The following NLRP14 variants were observed in gnomAD, a reference collection of about 807,000 sequenced individuals.
NLRP14 encodes NACHT, LRR and PYD domains-containing protein 14.
Under a neutral mutation model 94.7 loss-of-function variants are expected in NLRP14, and 105 were observed. That is an observed-to-expected ratio of 1.11 (90% CI 0.95 to 1.30). The LOEUF is 1.30. Among genes scored for constraint, NLRP14 ranks in the 50% most tolerant of loss-of-function variants. The pLI is 0.00. For synonymous variants in NLRP14, 508 were observed against 459.9 expected, an observed-to-expected ratio of 1.10 and a Z score of -1.34; for missense variants, 1,362 against 1,254.1, an observed-to-expected ratio of 1.09 and a Z score of -1.30.
the NLRP14 span, among the ~76,000 whole-genome samples, chr11:7,077,171 C>A: frequency 6.6e-6 from 1 of 152,232 alleles, no homozygotes; most frequent in Non-Finnish European, 1.5e-5. Flanking sequence ...CAGGCCCTGA[C>A]CTTCCGCTCC....
chr11:7,043,315 T>C lies in NLRP14; in HGVS notation c.1289T>C (p.Val430Ala). ...GCCCAGCTGAGAAGACTGTGCCAAG[T>C]CGCTGCCAAAGGAATATGGACTATG... ...NQAQLRRLCQ[V>A]AAKGIWTMTY... is the part of the protein sequence containing the mutation. Residue 430 changes from valine (V) to alanine (A), a missense_variant, in exon 4 of 12, where the codon GTC becomes GCC. Val to Ala is a moderately conservative substitution (Grantham distance 64, BLOSUM62 0). Transcript: ENST00000299481. The C allele has an allele frequency of 6.2e-7, 1 of 1,614,208 alleles. No individual in the cohort carries two copies. Among genetic ancestry groups the C allele is most frequent in the Non-Finnish European group, 8.5e-7 (1 of 1,180,034 alleles).
chr11:7,037,389 A>G (rs1382552288), intron 1 of NLRP14, among the ~76,000 whole-genome samples: 2 of 152,090 alleles, frequency 1.3e-5, no homozygotes, highest in African/African-American at 4.8e-5. Context: ...CCTTCTATAT[A>G]CTTTTATTTC....
At chr11:7,059,747 T>G in intron 8 of NLRP14, 147 bp from the exon 9 acceptor site, 2 of 721,718 alleles carry the variant, frequency 2.8e-6, no homozygotes, top group Non-Finnish European at 5.0e-6. Context: ...GTTTCCCAAG[T>G]GAGACAGGCT....
chr11:7,089,774 C>G, the NLRP14 span: 1 of 1,585,698 alleles, frequency 6.3e-7, no homozygotes, highest in South Asian at 1.1e-5. Context: ...CGTCCAGAGA[C>G]GGCTACTCGA....
chr11:7,083,279 G>A, the NLRP14 span, among the ~76,000 whole-genome samples: 147,569 of 152,322 alleles, frequency 0.97, 71,645 homozygotes, highest in Middle Eastern at 1. Context: ...TAGGCAACCA[G>A]TGTTTCAAAT....
At chr11:7,037,870 G>A (rs923648209) in intron 1 of NLRP14, among the ~76,000 whole-genome samples, 1 of 152,326 alleles carries the variant, frequency 6.6e-6, no homozygotes, top group Non-Finnish European at 1.5e-5. Context: ...TGATGTCAAA[G>A]ACGTGAGATG....
chr11:7,059,807 G>T, intron 8 of NLRP14, 87 bp from the exon 9 acceptor site: 2 of 1,159,222 alleles, frequency 1.7e-6, no homozygotes. Flanking sequence ...ATAGATAAGG[G>T]ATCAAATCAT....
intron 5 of NLRP14, among the ~76,000 whole-genome samples, chr11:7,049,445 C>A (rs569275032): frequency 5.0e-4 from 76 of 152,204 alleles, no homozygotes; most frequent in Non-Finnish European, 9.9e-4. Context: ...TCCTCTTCTG[C>A]TTTTCATGAT....
the NLRP14 span, among the ~76,000 whole-genome samples, chr11:7,077,954 G>A: frequency 2.6e-5 from 4 of 152,052 alleles, no homozygotes; most frequent in Non-Finnish European, 4.4e-5. Flanking sequence ...GAGGTGGGGT[G>A]GGGGGGACCC....
intron 4 of NLRP14, among the ~76,000 whole-genome samples, chr11:7,044,405 T>C (rs549898397): frequency 6.6e-6 from 1 of 152,302 alleles, no homozygotes; most frequent in African/African-American, 2.4e-5. Flanking sequence ...CTGAACCTGG[T>C]AAACACAGGT....
In NLRP14 at chr11:7,020,555, TC is replaced by T. The variant is rs1565006565; in HGVS notation, c.-234del. On this transcript the variant is annotated 5_prime_UTR_variant, in exon 1 of 12. Transcript: ENST00000299481. ...ACCAGCATTAATGGAATAGGAGAAC[TC>T]CCGAAGCTTTTAGGGCCCTGGGAAA... The T allele has an allele frequency of 6.6e-6, 1 of 152,152 alleles. No individual in the cohort carries two copies. The highest frequency in any genetic ancestry group is 6.5e-5 in the Admixed American group (1 of 15,272). 9.4% of individuals were successfully genotyped at this position (152,152 alleles called of 1,614,324 possible).
chr11:7,024,293 G>C (rs1851985020), intron 1 of NLRP14, among the ~76,000 whole-genome samples: 1 of 152,166 alleles, frequency 6.6e-6, no homozygotes, highest in Non-Finnish European at 1.5e-5. Flanking sequence ...AATTAATGCA[G>C]TTTTGTGCTA....
At chr11:7,048,527 G>T (rs577719838) in intron 5 of NLRP14, among the ~76,000 whole-genome samples, 68 of 152,242 alleles carry the variant, frequency 4.5e-4, no homozygotes, top group African/African-American at 1.5e-3. Flanking sequence ...GGGGGCTGGG[G>T]ACAGGCTTCT....
At chr11:7,052,789 T>G in intron 6 of NLRP14, among the ~76,000 whole-genome samples, 1 of 152,178 alleles carries the variant, frequency 6.6e-6, no homozygotes, top group East Asian at 1.9e-4. Flanking sequence ...GTGAGGAAAC[T>G]CTGTGGCTCA....
At chr11:7,032,653 G>A (rs1415318307) in intron 1 of NLRP14, among the ~76,000 whole-genome samples, 3 of 152,070 alleles carry the variant, frequency 2.0e-5, no homozygotes, top group Admixed American at 6.5e-5. Context: ...TGCATTAGTT[G>A]TGCTATCTGC....
downstream of NLRP14, among the ~76,000 whole-genome samples, chr11:7,073,567 T>C (rs139521887): frequency 1.3e-3 from 199 of 152,266 alleles, 1 homozygote; most frequent in African/African-American, 3.8e-3. Context: ...GAAGTACCAA[T>C]TGCAAGTTCC....
At chr11:7,060,619 T>C (rs1229452325) in intron 9 of NLRP14, among the ~76,000 whole-genome samples, 1 of 152,040 alleles carries the variant, frequency 6.6e-6, no homozygotes, top group Non-Finnish European at 1.5e-5. Context: ...ATATTTAAAC[T>C]CAGGTTATAA....
At chr11:7,077,014 C>T in the NLRP14 span, among the ~76,000 whole-genome samples, 1 of 152,224 alleles carries the variant, frequency 6.6e-6, no homozygotes, top group Non-Finnish European at 1.5e-5. Flanking sequence ...CCGCAGACTC[C>T]AGCAGAAGTC....
chr11:7,086,936 G>C, the NLRP14 span, among the ~76,000 whole-genome samples: 1 of 152,046 alleles, frequency 6.6e-6, no homozygotes, highest in African/African-American at 2.4e-5. Flanking sequence ...GAGATTTTTT[G>C]TTCCCCTATA....
Sources: gnomAD v4.1 joint callset for allele counts (sites outside exome capture counted in the v4.1 genomes callset) on GRCh38, gnomAD v4.1.1 for gene constraint, MANE v1.5 for transcripts, NCBI Gene and HGNC (gene_info 2026-07-23, HGNC 2026-07-21) for gene names.